The following IL1RAPL2 variants were observed in gnomAD, a reference collection of about 807,000 sequenced individuals.
The protein encoded by IL1RAPL2 is interleukin 1 receptor accessory protein like 2, also known as X-linked interleukin-1 receptor accessory protein-like 2.
A neutral mutation model predicts 44.1 loss-of-function variants in IL1RAPL2; 3 were observed. The observed-to-expected ratio is 0.07, with a 90% CI of 0.03 to 0.18. The LOEUF is 0.18. Ranked by LOEUF, IL1RAPL2 falls within the 10% of genes least tolerant of loss-of-function variation. The pLI, the probability that IL1RAPL2 is intolerant of heterozygous loss-of-function variation, is 1.00. For synonymous variants in IL1RAPL2, 181 were observed against 178.8 expected (o/e 1.01, Z -0.10); for missense variants, 391 against 496.4 (o/e 0.79, Z 2.02).
intron 2 of IL1RAPL2, among the ~76,000 whole-genome samples, chrX:104,908,343 A>G (rs914454160): frequency 1.1e-4 from 12 of 111,369 alleles, no homozygotes; most frequent in African/African-American, 3.9e-4. Flanking sequence ...TGATCCTGTC[A>G]TTATGATGTT....
chrX:105,692,767 G>T (rs191190577), intron 6 of IL1RAPL2, among the ~76,000 whole-genome samples: 1 of 110,800 alleles, frequency 9.0e-6, no homozygotes, highest in African/African-American at 3.3e-5. Flanking sequence ...AAGGCCAGAG[G>T]GGGCTATCGT....
intron 5 of IL1RAPL2, among the ~76,000 whole-genome samples, chrX:105,281,179 AACC>A (rs1448479192): frequency 9.0e-6 from 1 of 111,484 alleles, no homozygotes; most frequent in Non-Finnish European, 1.9e-5. Flanking sequence ...AAGAATAGAA[AACC>A]AAACACCGCA....
At chrX:104,769,405 G>A (rs980063909) in intron 2 of IL1RAPL2, among the ~76,000 whole-genome samples, 3 of 111,766 alleles carry the variant, frequency 2.7e-5, no homozygotes, top group South Asian at 3.7e-4. Flanking sequence ...AATAAGACAA[G>A]GAAGAGCCAT....
intron 2 of IL1RAPL2, among the ~76,000 whole-genome samples, chrX:105,137,590 G>A (rs2033087879): frequency 8.9e-6 from 1 of 112,374 alleles, no homozygotes; most frequent in Admixed American, 9.4e-5. Context: ...CTTTCCACTG[G>A]AAGAATAAAT....
At chrX:105,627,296 A>G (rs1215661139) in intron 6 of IL1RAPL2, among the ~76,000 whole-genome samples, 1 of 111,695 alleles carries the variant, frequency 9.0e-6, no homozygotes. Flanking sequence ...CCCAATTCAG[A>G]AAAAGCGTTA....
rs782196098 is a variant in IL1RAPL2, at chrX:105,195,555, C to A, written c.163C>A (p.Leu55Ile). Residue 55 changes from leucine (L) to isoleucine (I), a missense_variant, in exon 3 of 11, where the codon CTT becomes ATT. Leu to Ile is a conservative substitution (Grantham distance 5). Coordinates refer to ENST00000372582, the MANE Select transcript of IL1RAPL2 (RefSeq NM_017416.2). Reference sequence around the variant, plus strand: ...TGAACCAGTCCGAGTGAAATGTGCCCTTTTCTACAGTTATATTCGTACCAA... The same window carrying A: ...TGAACCAGTCCGAGTGAAATGTGCCATTTTCTACAGTTATATTCGTACCAA... Reference protein sequence around the residue: ...AGEPVRVKCALFYSYIRTNYS... With the variant: ...AGEPVRVKCAIFYSYIRTNYS... 1.7e-6 allele frequency: 2 copies of A among 1,211,531 alleles called. No homozygotes were observed. Among genetic ancestry groups the A allele is most frequent in the Admixed American group, 4.3e-5 (2 of 46,094 alleles).
At chrX:105,101,545 G>C (rs2032671030) in intron 2 of IL1RAPL2, among the ~76,000 whole-genome samples, 1 of 111,554 alleles carries the variant, frequency 9.0e-6, no homozygotes, top group African/African-American at 3.3e-5. Flanking sequence ...TATCTACTTG[G>C]TCTGGGCTGT....
intron 2 of IL1RAPL2, among the ~76,000 whole-genome samples, chrX:104,916,001 G>A (rs1338006212): frequency 1.1e-3 from 125 of 111,731 alleles, no homozygotes; most frequent in African/African-American, 3.6e-3. Context: ...GTCAGGTAGC[G>A]TGATGCCTCC....
At chrX:105,265,225 G>A (rs761554133) in intron 4 of IL1RAPL2, among the ~76,000 whole-genome samples, 5 of 112,171 alleles carry the variant, frequency 4.5e-5, no homozygotes, top group Admixed American at 9.4e-5. Flanking sequence ...GTGTGAAAGC[G>A]CAGCAGCTCA....
intron 2 of IL1RAPL2, among the ~76,000 whole-genome samples, chrX:104,753,233 C>T (rs1412150902): frequency 9.2e-6 from 1 of 109,272 alleles, no homozygotes; most frequent in Non-Finnish European, 1.9e-5. Context: ...TAAATCCTAT[C>T]CTCTGAGACA....
At chrX:105,195,001 T>C (rs2033662243) in intron 2 of IL1RAPL2, among the ~76,000 whole-genome samples, 2 of 110,787 alleles carry the variant, frequency 1.8e-5, no homozygotes, top group African/African-American at 6.6e-5. Context: ...CTAGGCTGTG[T>C]AGAGGTCTCT....
chrX:105,287,902 T>G (rs1244451689), intron 5 of IL1RAPL2, among the ~76,000 whole-genome samples: 1 of 111,335 alleles, frequency 9.0e-6, no homozygotes, highest in Non-Finnish European at 1.9e-5. Flanking sequence ...AATTTCTAAA[T>G]TATGGTTCTT....
At chrX:104,731,455 T>TGCAGCGGC (rs1931916725) in intron 2 of IL1RAPL2, among the ~76,000 whole-genome samples, 1 of 111,648 alleles carries the variant, frequency 9.0e-6, no homozygotes. Flanking sequence ...CAGGCTGGAA[T>TGCAGCGGC]GCAGTGGCGC....
rs2038737379 is a variant in IL1RAPL2, at chrX:105,767,071, A to C, written c.1471A>C (p.Ser491Arg). 1 of 1,205,142 alleles carries C rather than the reference A, an allele frequency of 8.3e-7. No homozygotes were observed. The highest frequency in any genetic ancestry group is 1.8e-5 in the African/African-American group (1 of 57,061). ...GGGATGGAGTATTTTCGAACTGGAA[A>C]GCAGACTCCATAACATGCTAGTCAG... ...RRGWSIFELE[S>R]RLHNMLVSGE... The change falls in exon 11 of 11, where the codon AGC becomes CGC. Residue 491 changes from serine (S) to arginine (R), a missense_variant. Transcript: ENST00000372582.
At chrX:105,053,496 A>G (rs1448124708) in intron 2 of IL1RAPL2, among the ~76,000 whole-genome samples, 1 of 111,602 alleles carries the variant, frequency 9.0e-6, no homozygotes, top group African/African-American at 3.3e-5. Flanking sequence ...GCCCACAGAG[A>G]TTACATAACT....
At chrX:105,253,555 G>GT (rs201483246) in intron 4 of IL1RAPL2, among the ~76,000 whole-genome samples, 8,068 of 108,575 alleles carry the variant, frequency 0.074, 349 homozygotes, top group Non-Finnish European at 0.12. Flanking sequence ...ATCTGAGTCT[G>GT]TTTTTTTTTA....
chrX:105,039,265 T>C (rs2031679611), intron 2 of IL1RAPL2, among the ~76,000 whole-genome samples: 1 of 111,632 alleles, frequency 9.0e-6, no homozygotes, highest in Non-Finnish European at 1.9e-5. Flanking sequence ...GAGAATGCCA[T>C]GAAAATATTA....
chrX:105,193,758 C>T (rs1238881194), intron 2 of IL1RAPL2, among the ~76,000 whole-genome samples: 1 of 112,212 alleles, frequency 8.9e-6, no homozygotes, highest in African/African-American at 3.2e-5. Flanking sequence ...TAACAGTGTA[C>T]AGTGATCATC....
chrX:104,598,242 G>T (rs1266330381), intron 1 of IL1RAPL2, among the ~76,000 whole-genome samples: 2 of 111,531 alleles, frequency 1.8e-5, no homozygotes, highest in Non-Finnish European at 3.8e-5. Flanking sequence ...ATTTTTTGTT[G>T]TTCTTCACTT....
Sources: gnomAD v4.1 joint callset for allele counts (sites outside exome capture counted in the v4.1 genomes callset) on GRCh38, gnomAD v4.1.1 for gene constraint, MANE v1.5 for transcripts, NCBI Gene and HGNC (gene_info 2026-07-23, HGNC 2026-07-21) for gene names.